CTNNBL1: variants seen among roughly 807,000 people sequenced by gnomAD.
CTNNBL1 encodes catenin beta like 1.
CTNNBL1 carries 31 observed loss-of-function variants against 72.7 expected under a neutral mutation model. The observed-to-expected ratio is 0.43, with a 90% CI of 0.32 to 0.58. CTNNBL1 has a LOEUF of 0.58. CTNNBL1 is among the 20% of genes least tolerant of loss of function. The pLI is 0.08. For synonymous variants in CTNNBL1, 240 were observed against 267.3 expected, an observed-to-expected ratio of 0.90 and a Z score of 1.00; for missense variants, 534 against 725.1, an observed-to-expected ratio of 0.74 and a Z score of 3.03.
chr20:37,758,244 C>T (rs1240254705), intron 5 of CTNNBL1, among the ~76,000 whole-genome samples: 1 of 152,214 alleles, frequency 6.6e-6, no homozygotes, highest in Non-Finnish European at 1.5e-5. Context: ...TCATTGAGGC[C>T]AGAATGGCAT....
At chr20:37,825,049 A>G (rs117135699) in intron 11 of CTNNBL1, among the ~76,000 whole-genome samples, 400 of 152,300 alleles carry the variant, frequency 2.6e-3, no homozygotes, top group Non-Finnish European at 4.6e-3. Context: ...AATGGGTTCT[A>G]TGACTAAGAA....
At chr20:37,801,540 A>AT (rs1289522684) in intron 10 of CTNNBL1, among the ~76,000 whole-genome samples, 1 of 151,946 alleles carries the variant, frequency 6.6e-6, no homozygotes, top group South Asian at 2.1e-4. Context: ...AAACACCTTT[A>AT]TTTTTTTTCT....
intron 11 of CTNNBL1, among the ~76,000 whole-genome samples, chr20:37,812,362 G>T (rs1297014341): frequency 6.6e-6 from 1 of 152,158 alleles, no homozygotes; most frequent in African/African-American, 2.4e-5. Flanking sequence ...TTTTGTGGTT[G>T]TGAAGCCCAG....
Position 37,713,438 on chromosome 20 carries a change from C to T in CTNNBL1, c.30+19286C>T, listed in dbSNP as rs529955990. On this transcript the variant is annotated intron_variant, in intron 1 of 15. Coordinates refer to ENST00000361383, the MANE Select transcript of CTNNBL1 (RefSeq NM_030877.5). The stretch of plus-strand genomic sequence containing the variant: ...TGTTCTAGTTGTGATTGTCAGCAGG[C>T]GGTTGAGGAAGTCTTATTTTAATTA... Among the ~76,000 whole-genome samples, 16 of 152,258 alleles carry T rather than the reference C, an allele frequency of 1.1e-4. No individual in the cohort carries two copies. The South Asian group carries it at 1.2e-3, about 12-fold the overall frequency.
chr20:37,777,747 A>G (rs755430112), intron 9 of CTNNBL1, 35 bp downstream of exon 9: 3 of 1,602,258 alleles, frequency 1.9e-6, no homozygotes, highest in Non-Finnish European at 2.6e-6. Flanking sequence ...CTGCTGTAAG[A>G]TACATGGTCT....
chr20:37,835,685 G>C (rs902330029), intron 11 of CTNNBL1, among the ~76,000 whole-genome samples: 4 of 152,182 alleles, frequency 2.6e-5, no homozygotes, highest in African/African-American at 9.7e-5. Context: ...CAAAATATGT[G>C]GGCTTGTATA....
At chr20:37,837,762 G>A (rs1397660219) in intron 11 of CTNNBL1, among the ~76,000 whole-genome samples, 1 of 152,186 alleles carries the variant, frequency 6.6e-6, no homozygotes, top group Non-Finnish European at 1.5e-5. Flanking sequence ...TATATCGATA[G>A]CCTGCTTTCT....
intron 4 of CTNNBL1, 186 bp downstream of exon 4, chr20:37,746,793 ACAAATCTTG>A (rs2073269236): frequency 1.2e-6 from 1 of 819,116 alleles, no homozygotes. Context: ...TTCTCTATTA[ACAAATCTTG>A]CAAATCTTGG....
chr20:37,791,070 C>T (rs551337886), intron 10 of CTNNBL1, among the ~76,000 whole-genome samples: 1 of 152,284 alleles, frequency 6.6e-6, no homozygotes, highest in East Asian at 1.9e-4. Flanking sequence ...TGAGATTCGT[C>T]CATGTTGTGT....
chr20:37,856,595 A>C (rs1180869750), intron 13 of CTNNBL1, among the ~76,000 whole-genome samples: 1 of 151,982 alleles, frequency 6.6e-6, no homozygotes, highest in Non-Finnish European at 1.5e-5. Flanking sequence ...TATGGCCAAC[A>C]CAAGTCGTTT....
intron 13 of CTNNBL1, among the ~76,000 whole-genome samples, chr20:37,846,456 T>C (rs1373490546): frequency 6.6e-6 from 1 of 152,120 alleles, no homozygotes; most frequent in African/African-American, 2.4e-5. Flanking sequence ...TTGTTTTGTG[T>C]TTAAGGTGTA....
chr20:37,852,866 C>A (rs892714332), intron 13 of CTNNBL1, among the ~76,000 whole-genome samples: 3 of 152,154 alleles, frequency 2.0e-5, no homozygotes, highest in African/African-American at 7.2e-5. Context: ...AGCGAAGAAG[C>A]TGAGGCCAAG....
intron 13 of CTNNBL1, among the ~76,000 whole-genome samples, chr20:37,858,927 T>C (rs925514420): frequency 1.3e-5 from 2 of 152,148 alleles, no homozygotes; most frequent in African/African-American, 4.8e-5. Context: ...GTTGGGTGCC[T>C]GTGCCATTGG....
At chr20:37,810,423 G>A (rs1053816086) in intron 11 of CTNNBL1, among the ~76,000 whole-genome samples, 4 of 151,076 alleles carry the variant, frequency 2.6e-5, no homozygotes, top group African/African-American at 9.8e-5. Flanking sequence ...TTGTGAGGGT[G>A]GATCTCGCAT....
chr20:37,826,969 A>G (rs1213069011), intron 11 of CTNNBL1, among the ~76,000 whole-genome samples: 1 of 152,238 alleles, frequency 6.6e-6, no homozygotes. Context: ...CCACCACCCC[A>G]GAGCATTCTC....
chr20:37,866,403 T>C (rs1282671914), intron 15 of CTNNBL1, among the ~76,000 whole-genome samples: 1 of 152,180 alleles, frequency 6.6e-6, no homozygotes, highest in African/African-American at 2.4e-5. Flanking sequence ...GCAAGCTCTG[T>C]CGCTTTCTAG....
intron 13 of CTNNBL1, among the ~76,000 whole-genome samples, chr20:37,842,893 C>A (rs756263288): frequency 6.6e-6 from 1 of 152,200 alleles, no homozygotes; most frequent in Admixed American, 6.5e-5. Flanking sequence ...ACCTAGAGAA[C>A]GGAAGCTCAG....
At chr20:37,824,192 C>T (rs918106727) in intron 11 of CTNNBL1, among the ~76,000 whole-genome samples, 3 of 152,220 alleles carry the variant, frequency 2.0e-5, no homozygotes, top group African/African-American at 7.2e-5. Flanking sequence ...CAGAAGCCAG[C>T]CTCATAGCAC....
In CTNNBL1 at chr20:37,865,054, C is replaced by T. The variant is rs117541178; in HGVS notation, c.1603+4710C>T. 4.7e-4 allele frequency among the ~76,000 whole-genome samples: 72 copies of T among 152,174 alleles called. 1 individual carries two copies. Among genetic ancestry groups the T allele is most frequent in the Non-Finnish European group, 1.8e-4 (12 of 68,002 alleles). On this transcript the variant is annotated intron_variant, in intron 15 of 15. Coordinates refer to ENST00000361383, the MANE Select transcript of CTNNBL1 (RefSeq NM_030877.5). ...CAGACTCAGAAGGAGCTATGCACAG[C>T]GGTAAGGAATGTGCCAACTGCTGAT...
Sources: gnomAD v4.1 joint callset for allele counts (sites outside exome capture counted in the v4.1 genomes callset) on GRCh38, gnomAD v4.1.1 for gene constraint, MANE v1.5 for transcripts, NCBI Gene and HGNC (gene_info 2026-07-23, HGNC 2026-07-21) for gene names.